The following OR52N2 variants were observed in gnomAD, a reference collection of about 807,000 sequenced individuals.
The protein encoded by OR52N2 is olfactory receptor 52N2.
For synonymous variants in OR52N2, 129 were observed against 72.0 expected (o/e 1.79, Z -4.01); for missense variants, 326 against 196.6 (o/e 1.66, Z -3.94).
At chr11:5,810,674 G>A (rs1846353306) in intron 1 of OR52N2, among the ~76,000 whole-genome samples, 2 of 152,146 alleles carry the variant, frequency 1.3e-5, no homozygotes, top group Admixed American at 1.3e-4. Flanking sequence ...GGCCGGCATG[G>A]AGGTTTTGAG....
chr11:5,811,375 T>C (rs1846359873), intron 1 of OR52N2, among the ~76,000 whole-genome samples: 1 of 152,102 alleles, frequency 6.6e-6, no homozygotes, highest in Admixed American at 6.5e-5. Context: ...ACAGCTACAA[T>C]AGTTTGTTAA....
In OR52N2 at chr11:5,821,174, C is replaced by T. The variant is rs369539095; in HGVS notation, c.839C>T (p.Ala280Val). Residue 280 changes from alanine to valine, a missense_variant, in exon 2 of 2, where the codon GCC becomes GTC. Transcript: ENST00000317037. ...NIPNHIHIIV[A>V]NLYLLLPPTM... The stretch of plus-strand genomic sequence containing the variant: ...CCAAACCACATACACATCATCGTGG[C>T]CAACCTTTATCTGCTACTGCCTCCT... 3.8e-6 allele frequency: 3 copies of T among 780,846 alleles called. No homozygotes were observed. In the African/African-American group the frequency reaches 5.1e-5, roughly 13 times the overall value. The allele number at this position is 780,846 out of a possible 1,614,324, so 48.4% of individuals were successfully genotyped here.
intron 1 of OR52N2, among the ~76,000 whole-genome samples, chr11:5,814,633 G>A (rs181245521): frequency 1.2e-3 from 177 of 152,192 alleles, no homozygotes; most frequent in African/African-American, 4.2e-3. Context: ...AGTATTGTTA[G>A]GATGTCAGTA....
chr11:5,812,376 T>C (rs1846369538), intron 1 of OR52N2, among the ~76,000 whole-genome samples: 1 of 149,844 alleles, frequency 6.7e-6, no homozygotes, highest in Non-Finnish European at 1.5e-5. Flanking sequence ...GCGCCTATAG[T>C]CCCAGCTACT....
At chr11:5,817,362 T>C (rs552720773) in intron 1 of OR52N2, among the ~76,000 whole-genome samples, 4 of 152,180 alleles carry the variant, frequency 2.6e-5, no homozygotes, top group African/African-American at 7.2e-5. Flanking sequence ...AAACCAATAC[T>C]ACCTTGAAAA....
rs1420953136 is a variant in OR52N2 at position 5,820,781 on chromosome 11, C to G, written c.446C>G (p.Ala149Gly). ...CCTGTCATCGCCAAGGCTGGTCTTG[C>G]CACCTTCTTGAGGAATGTGATGCTC... ...TNPVIAKAGLATFLRNVMLII... is the reference protein window; with the variant it reads ...TNPVIAKAGLGTFLRNVMLII... The change falls in exon 2 of 2, where the codon GCC becomes GGC. Residue 149 changes from alanine (A) to glycine (G), a missense_variant. Transcript: ENST00000317037. 1.3e-6 allele frequency: 1 copy of G among 771,458 alleles called. No homozygotes were observed. Among genetic ancestry groups the G allele is most frequent in the Non-Finnish European group, 2.4e-6 (1 of 414,110 alleles). 47.8% of individuals were successfully genotyped at this position (771,458 alleles called of 1,614,324 possible). A position where few individuals can be genotyped will look rare whatever the true frequency, so the allele number is the denominator to read the frequency against.
intron 1 of OR52N2, among the ~76,000 whole-genome samples, chr11:5,811,064 AAT>A (rs1443811415): frequency 6.6e-6 from 1 of 151,022 alleles, no homozygotes; most frequent in African/African-American, 2.4e-5. Context: ...ATATTTATAA[AAT>A]ATGATATATA....
rs1846441778 is a variant in OR52N2, at chr11:5,820,679, G to T, written c.344G>T (p.Gly115Val). Reference protein sequence around the residue: ...FVHMLTGMESGVLMLMALDRY... With the variant: ...FVHMLTGMESVVLMLMALDRY... ...CATATGCTGACAGGGATGGAGTCTG[G>T]GGTGCTCATGCTCATGGCCCTGGAC... The change falls in exon 2 of 2, where the codon GGG becomes GTG. Residue 115 changes from glycine (G) to valine (V), a missense_variant. Gly to Val is a moderately radical substitution (Grantham distance 109, BLOSUM62 -3). Coordinates refer to ENST00000317037, the MANE Select transcript of OR52N2 (RefSeq NM_001005174.3). 2.5e-6 allele frequency: 2 copies of T among 792,842 alleles called. No individual in the cohort carries two copies. The highest frequency in any genetic ancestry group is 4.7e-6 in the Non-Finnish European group (2 of 429,182). The allele number at this position is 792,842 out of a possible 1,614,324, so 49.1% of individuals were successfully genotyped here.
At chr11:5,811,756 A>C (rs917488954) in intron 1 of OR52N2, among the ~76,000 whole-genome samples, 2 of 152,190 alleles carry the variant, frequency 1.3e-5, no homozygotes, top group African/African-American at 4.8e-5. Context: ...TAAATTCTTC[A>C]ATCAGAAGAC....
intron 1 of OR52N2, among the ~76,000 whole-genome samples, chr11:5,809,586 A>C (rs765226409): frequency 5.3e-5 from 8 of 152,108 alleles, no homozygotes; most frequent in Non-Finnish European, 1.0e-4. Context: ...AAAGACCAGG[A>C]AGTTAGCGGC....
Position 5,821,432 on chromosome 11 carries a change from TAAAATA to T in OR52N2, c.*138_*143del. 1.7e-6 allele frequency: 1 copy of T among 574,420 alleles called. No homozygotes were observed. The highest frequency in any genetic ancestry group is 3.1e-6 in the Non-Finnish European group (1 of 325,048). 35.6% of individuals were successfully genotyped at this position (574,420 alleles called of 1,614,324 possible). ...CATGTAACAAACTTGCACGTGTACC[TAAAATA>T]AAAATAGAAATAAAAAATCAAAATA... On this transcript the variant is annotated 3_prime_UTR_variant, in exon 2 of 2. Coordinates refer to ENST00000317037, the MANE Select transcript of OR52N2 (RefSeq NM_001005174.3).
At chr11:5,809,229 G>A (rs1328802708) in intron 1 of OR52N2, among the ~76,000 whole-genome samples, 175 bp downstream of exon 1, 4 of 152,174 alleles carry the variant, frequency 2.6e-5, no homozygotes, top group African/African-American at 9.7e-5. Context: ...GGTGCCACTC[G>A]CATCAATCAA....
rs116298650 is a variant in OR52N2 at position 5,815,813 on chromosome 11, T to C, written c.-54-4469T>C. Among the ~76,000 whole-genome samples, 565 of 152,174 alleles carry C rather than the reference T, an allele frequency of 3.7e-3. 1 individual carries two copies. The highest frequency in any genetic ancestry group is 0.012 in the African/African-American group (503 of 41,520). On this transcript the variant is annotated intron_variant, in intron 1 of 1. Coordinates refer to ENST00000317037, the MANE Select transcript of OR52N2 (RefSeq NM_001005174.3). ...GCAGCATTATTCACAGTAACCAAGATATAAGAACAATCTAATTGCCCATCA... is the reference window on the plus strand; with the variant it reads ...GCAGCATTATTCACAGTAACCAAGACATAAGAACAATCTAATTGCCCATCA...
Position 5,821,469 on chromosome 11 carries a change from A to T in OR52N2, c.*168A>T. ...AGAAATAAAAAATCAAAATAAAGAC[A>T]TAAATTTGTAAGTCACCATAATATG... On this transcript the variant is annotated 3_prime_UTR_variant, in exon 2 of 2. Transcript: ENST00000317037. The T allele has an allele frequency of 1.8e-6, 1 of 567,986 alleles. No individual in the cohort carries two copies. Among genetic ancestry groups the T allele is most frequent in the Non-Finnish European group, 3.1e-6 (1 of 322,024 alleles). 35.2% of individuals were successfully genotyped at this position (567,986 alleles called of 1,614,324 possible).
chr11:5,820,033 A>G (rs1267041647), intron 1 of OR52N2, among the ~76,000 whole-genome samples: 2 of 152,212 alleles, frequency 1.3e-5, no homozygotes, highest in East Asian at 3.8e-4. Context: ...AGTACAGTAT[A>G]AGAGTTGTGC....
intron 1 of OR52N2, among the ~76,000 whole-genome samples, chr11:5,814,737 T>G (rs1302775182): frequency 6.6e-6 from 1 of 152,164 alleles, no homozygotes; most frequent in East Asian, 1.9e-4. Context: ...ACAATTCATA[T>G]GAAATCTCAA....
intron 1 of OR52N2, among the ~76,000 whole-genome samples, chr11:5,810,321 T>A (rs11039116): frequency 0.11 from 16,313 of 152,234 alleles, 1,105 homozygotes; most frequent in East Asian, 0.25. Context: ...CCCAGATGTA[T>A]ATCATAAAAT....
At chr11:5,812,664 G>C (rs549258085) in intron 1 of OR52N2, among the ~76,000 whole-genome samples, 8 of 152,018 alleles carry the variant, frequency 5.3e-5, no homozygotes, top group African/African-American at 1.9e-4. Flanking sequence ...TAGAGCTGAA[G>C]GGAGAGATAG....
chr11:5,816,435 C>T (rs1846405038), intron 1 of OR52N2, among the ~76,000 whole-genome samples: 1 of 152,160 alleles, frequency 6.6e-6, no homozygotes, highest in African/African-American at 2.4e-5. Context: ...AATTATAGGG[C>T]ACCCTATGAA....
Sources: gnomAD v4.1 joint callset for allele counts (sites outside exome capture counted in the v4.1 genomes callset) on GRCh38, gnomAD v4.1.1 for gene constraint, MANE v1.5 for transcripts, NCBI Gene and HGNC (gene_info 2026-07-23, HGNC 2026-07-21) for gene names.